Variants in ABTB3 observed in about 807,000 individuals in gnomAD.
ABTB3 encodes the protein ankyrin repeat- and BTB/POZ domain-containing protein 3.
chr12:107,420,408 G>T, the ABTB3 span, among the ~76,000 whole-genome samples: 1 of 152,226 alleles, frequency 6.6e-6, no homozygotes, highest in East Asian at 1.9e-4. Flanking sequence ...CAAAGGAAGA[G>T]CAAAGGCATG....
the ABTB3 span, among the ~76,000 whole-genome samples, chr12:107,329,595 T>C: frequency 6.6e-6 from 1 of 152,260 alleles, no homozygotes; most frequent in African/African-American, 2.4e-5. Flanking sequence ...AGTTTGTCAG[T>C]AAACAGACTT....
chr12:107,345,869 G>A, the ABTB3 span, among the ~76,000 whole-genome samples: 1 of 152,210 alleles, frequency 6.6e-6, no homozygotes, highest in Non-Finnish European at 1.5e-5. Flanking sequence ...CTACTTGGAC[G>A]TAAGGAGATG....
chr12:107,457,403 C>T, the ABTB3 span, among the ~76,000 whole-genome samples: 20,733 of 152,202 alleles, frequency 0.14, 1,540 homozygotes, highest in East Asian at 0.24. Flanking sequence ...AGATAGACTC[C>T]GAAGTTTTAT....
At chr12:107,464,012 C>T in the ABTB3 span, among the ~76,000 whole-genome samples, 1 of 152,154 alleles carries the variant, frequency 6.6e-6, no homozygotes, top group African/African-American at 2.4e-5. Context: ...CAAGGCTCAG[C>T]CTGGTCAGCC....
chr12:107,619,898 A>C, the ABTB3 span: 2 of 1,296,288 alleles, frequency 1.5e-6, no homozygotes, highest in African/African-American at 1.5e-5. Flanking sequence ...TCCAGATAAA[A>C]ACTCGCCTGC....
At chr12:107,633,227 C>T in the ABTB3 span, among the ~76,000 whole-genome samples, 2 of 152,148 alleles carry the variant, frequency 1.3e-5, no homozygotes, top group Non-Finnish European at 2.9e-5. Flanking sequence ...AGAGGAGCCT[C>T]AGCACCCCTT....
the ABTB3 span, chr12:107,610,387 C>T: frequency 3.1e-6 from 5 of 1,608,104 alleles, no homozygotes; most frequent in African/African-American, 1.3e-5. Flanking sequence ...ACAGGCTCCC[C>T]ACCTCCTCCA....
At chr12:107,386,377 G>T in the ABTB3 span, among the ~76,000 whole-genome samples, 1 of 152,202 alleles carries the variant, frequency 6.6e-6, no homozygotes, top group Non-Finnish European at 1.5e-5. Context: ...GCATCTTGCT[G>T]TCTTGTCTGT....
chr12:107,486,110 G>A, the ABTB3 span, among the ~76,000 whole-genome samples: 4 of 152,304 alleles, frequency 2.6e-5, no homozygotes, highest in Admixed American at 6.5e-5. Context: ...GTTGGGAGCT[G>A]AGGACTAGTG....
chr12:107,555,907 G>A, the ABTB3 span, among the ~76,000 whole-genome samples: 76 of 152,152 alleles, frequency 5.0e-4, no homozygotes, highest in Non-Finnish European at 6.6e-4. Flanking sequence ...AGAGACCAGG[G>A]ACCAACTCAC....
At chr12:107,514,284 A>G in the ABTB3 span, among the ~76,000 whole-genome samples, 109 of 152,318 alleles carry the variant, frequency 7.2e-4, 2 homozygotes, top group East Asian at 0.021. Flanking sequence ...AATGTGGACA[A>G]TCAAAGGCAT....
chr12:107,655,576 G>C, the ABTB3 span, among the ~76,000 whole-genome samples: 184 of 152,306 alleles, frequency 1.2e-3, no homozygotes, highest in Non-Finnish European at 2.2e-3. Context: ...CAACACTTGC[G>C]TTTGTAACTC....
At chr12:107,419,944 G>T in the ABTB3 span, among the ~76,000 whole-genome samples, 1 of 152,176 alleles carries the variant, frequency 6.6e-6, no homozygotes, top group African/African-American at 2.4e-5. Flanking sequence ...GAGTGGTATG[G>T]ATCAAGTGTG....
the ABTB3 span, among the ~76,000 whole-genome samples, chr12:107,638,972 G>A: frequency 1.3e-5 from 2 of 152,224 alleles, no homozygotes; most frequent in Admixed American, 1.3e-4. Context: ...TGAGGCTACA[G>A]CAGGGGTGCA....
chr12:107,367,757 GGC>G, the ABTB3 span, among the ~76,000 whole-genome samples: 1 of 151,956 alleles, frequency 6.6e-6, no homozygotes, highest in African/African-American at 2.4e-5. Context: ...TGCCTGCCTT[GGC>G]CTTCCAAAGT....
chr12:107,617,451 G>A, the ABTB3 span: 1 of 1,613,174 alleles, frequency 6.2e-7, no homozygotes, highest in Non-Finnish European at 8.5e-7. Context: ...GCTAGGATGG[G>A]CCAAAGCCAG....
the ABTB3 span, among the ~76,000 whole-genome samples, chr12:107,564,358 C>G: frequency 1.5e-4 from 23 of 152,150 alleles, 2 homozygotes; most frequent in Admixed American, 1.4e-3. Flanking sequence ...GAGCTACCAC[C>G]AGTACTACTT....
the ABTB3 span, among the ~76,000 whole-genome samples, chr12:107,347,064 ATAT>A: frequency 6.6e-6 from 1 of 152,214 alleles, no homozygotes; most frequent in African/African-American, 2.4e-5. Flanking sequence ...AGAGCAGCAT[ATAT>A]TATTCTGCAA....
chr12:107,468,359 A>G, the ABTB3 span, among the ~76,000 whole-genome samples: 2 of 152,254 alleles, frequency 1.3e-5, no homozygotes, highest in South Asian at 4.2e-4. Context: ...CTGACCAGTC[A>G]GTGGCCTTGT....
Sources: gnomAD v4.1 joint callset for allele counts (sites outside exome capture counted in the v4.1 genomes callset) on GRCh38, gnomAD v4.1.1 for gene constraint, MANE v1.5 for transcripts, NCBI Gene and HGNC (gene_info 2026-07-23, HGNC 2026-07-21) for gene names.